Variants in LYPD6B observed in about 807,000 individuals in gnomAD.
LYPD6B encodes the protein LY6/PLAUR domain containing 6B.
A neutral mutation model predicts 22.8 loss-of-function variants in LYPD6B; 17 were observed. The observed-to-expected ratio is 0.75, with a 90% confidence interval of 0.51 to 1.12. The LOEUF is 1.12. Ranked by LOEUF, LYPD6B falls within the 50% of genes most tolerant of loss-of-function variation. The pLI, the probability that LYPD6B is intolerant of heterozygous loss-of-function variation, is 0.00. For synonymous variants in LYPD6B, 106 were observed against 91.6 expected (o/e 1.16, Z -0.90); for missense variants, 221 against 258.3 (o/e 0.86, Z 0.99).
At chr2:149,061,769 C>T (rs1458676332) in intron 1 of LYPD6B, among the ~76,000 whole-genome samples, 2 of 152,062 alleles carry the variant, frequency 1.3e-5, no homozygotes, top group African/African-American at 4.8e-5. Flanking sequence ...TGGGGACAGG[C>T]AAGACATTCT....
intron 2 of LYPD6B, chr2:149,142,122 T>G (rs1375115739): frequency 6.6e-6 from 1 of 152,248 alleles, no homozygotes; most frequent in East Asian, 1.9e-4. Context: ...TTTTAAAAAA[T>G]ACTGGTGTTC....
chr2:149,111,873 T>C (rs151157329), intron 1 of LYPD6B, among the ~76,000 whole-genome samples: 3 of 152,224 alleles, frequency 2.0e-5, no homozygotes, highest in African/African-American at 7.2e-5. Context: ...ACAGGCACGA[T>C]GAGATCCAAG....
chr2:149,213,253 G>A, intron 6 of LYPD6B, 131 bp downstream of exon 6: 1 of 1,230,700 alleles, frequency 8.1e-7, no homozygotes, highest in African/African-American at 1.5e-5. Flanking sequence ...TCCATACAAA[G>A]ATAAAATGGA....
chr2:149,186,705 A>G (rs1012339487), intron 3 of LYPD6B, among the ~76,000 whole-genome samples: 2 of 152,210 alleles, frequency 1.3e-5, no homozygotes, highest in African/African-American at 4.8e-5. Context: ...TCTGGACTCA[A>G]GTAAGCCTCT....
chr2:149,206,219 T>C (rs1014155802), intron 4 of LYPD6B: 1 of 229,918 alleles, frequency 4.3e-6, no homozygotes, highest in Non-Finnish European at 9.1e-6. Flanking sequence ...TATATTTATA[T>C]CTTTTTTCTC....
intron 1 of LYPD6B, among the ~76,000 whole-genome samples, chr2:149,096,710 G>A (rs73015037): frequency 0.016 from 2,468 of 152,144 alleles, 54 homozygotes; most frequent in African/African-American, 0.054. Flanking sequence ...CTTCTTAGTT[G>A]TCTTTTTCCT....
chr2:149,055,573 A>AT (rs1422453303), intron 1 of LYPD6B, among the ~76,000 whole-genome samples: 7 of 152,106 alleles, frequency 4.6e-5, no homozygotes, highest in Admixed American at 3.9e-4. Flanking sequence ...ATGTTTTATA[A>AT]TTTTCTGCTT....
chr2:149,158,650 T>A (rs1575084480), intron 2 of LYPD6B, among the ~76,000 whole-genome samples: 1 of 152,206 alleles, frequency 6.6e-6, no homozygotes, highest in South Asian at 2.1e-4. Flanking sequence ...AATTAGACAC[T>A]TTAAAAATGG....
At chr2:149,213,433 C>A (rs1252920037) in intron 6 of LYPD6B, among the ~76,000 whole-genome samples, 1 of 152,114 alleles carries the variant, frequency 6.6e-6, no homozygotes, top group African/African-American at 2.4e-5. Flanking sequence ...TGAAGGAACC[C>A]TTGTCTTATT....
At chr2:149,147,217 AAAAC>A (rs1354578784) in intron 2 of LYPD6B, among the ~76,000 whole-genome samples, 2 of 20,524 alleles carry the variant, frequency 9.7e-5, no homozygotes, top group African/African-American at 1.5e-4. Context: ...AAAGAAAACA[AAAAC>A]AAAACAAAAA....
intron 3 of LYPD6B, among the ~76,000 whole-genome samples, chr2:149,168,235 A>AG (rs70994560): frequency 6.0e-5 from 9 of 150,754 alleles, no homozygotes; most frequent in Non-Finnish European, 1.3e-4. Flanking sequence ...AAAAAAAAAA[A>AG]GAACCTTGCT....
intron 1 of LYPD6B, among the ~76,000 whole-genome samples, chr2:149,039,273 T>G (rs1339407957): frequency 6.6e-6 from 1 of 152,220 alleles, no homozygotes; most frequent in Non-Finnish European, 1.5e-5. Flanking sequence ...CCAGCTTGGG[T>G]GCCGCCGCTT....
At chr2:149,077,442 G>A (rs1490653973) in intron 1 of LYPD6B, 2 of 149,418 alleles carry the variant, frequency 1.3e-5, no homozygotes, top group Non-Finnish European at 3.0e-5. Context: ...TTTGATTTTT[G>A]TTTTTCTTAA....
chr2:149,144,837 C>A (rs982045763), intron 2 of LYPD6B, among the ~76,000 whole-genome samples: 25 of 152,184 alleles, frequency 1.6e-4, no homozygotes, highest in African/African-American at 6.0e-4. Flanking sequence ...ACTTGACGTG[C>A]CTTCAAATAC....
chr2:149,164,896 A>G (rs150179960), intron 3 of LYPD6B, among the ~76,000 whole-genome samples: 67 of 152,322 alleles, frequency 4.4e-4, no homozygotes, highest in African/African-American at 1.4e-3. Context: ...TCAGTTATCT[A>G]TTGCACAACA....
intron 3 of LYPD6B, among the ~76,000 whole-genome samples, chr2:149,173,619 C>G (rs1051499396): frequency 6.6e-6 from 1 of 152,096 alleles, no homozygotes; most frequent in African/African-American, 2.4e-5. Context: ...ATAGAATATT[C>G]TATTTATTGC....
intron 1 of LYPD6B, among the ~76,000 whole-genome samples, 169 bp downstream of exon 1, chr2:149,038,970 G>GGGCCGCGT (rs1174145095): frequency 2.6e-5 from 4 of 151,322 alleles, no homozygotes; most frequent in Middle Eastern, 3.4e-3. Context: ...CGGGGCCGCG[G>GGGCCGCGT]GGCCGCGGCG....
chr2:149,044,637 A>G (rs1034306826), intron 1 of LYPD6B, among the ~76,000 whole-genome samples: 1 of 152,020 alleles, frequency 6.6e-6, no homozygotes, highest in Non-Finnish European at 1.5e-5. Flanking sequence ...ATTGCAGTAC[A>G]ATGTTGAATA....
intron 3 of LYPD6B, among the ~76,000 whole-genome samples, chr2:149,180,488 G>A (rs1217797282): frequency 6.6e-6 from 1 of 152,134 alleles, no homozygotes; most frequent in Non-Finnish European, 1.5e-5. Flanking sequence ...TTTTGTTTTG[G>A]CCTTAGTCTT....
Sources: allele counts gnomAD v4.1 joint callset (sites outside exome capture counted in the v4.1 genomes callset), GRCh38; gene constraint gnomAD v4.1.1; transcripts MANE v1.5; gene names NCBI Gene and HGNC (gene_info 2026-07-23, HGNC 2026-07-21).